Variants in ARHGAP10 observed in about 807,000 individuals in gnomAD.
ARHGAP10 encodes the protein rho GTPase-activating protein 10.
Under a neutral mutation model 108.6 loss-of-function variants are expected in ARHGAP10, and 87 were observed. The ratio of observed to expected loss-of-function variants is 0.80; its 90% CI spans 0.67 to 0.96. The LOEUF is 0.96. Among genes scored for constraint, ARHGAP10 ranks in the 40% least tolerant of loss-of-function variants. ARHGAP10 has a pLI of 0.00. For missense variants in ARHGAP10, 939 were observed against 954.5 expected (o/e 0.98, Z 0.21); for synonymous variants, 347 against 341.1 (o/e 1.02, Z -0.19).
chr4:147,998,203 A>G (rs1200673281), intron 18 of ARHGAP10, among the ~76,000 whole-genome samples: 1 of 152,210 alleles, frequency 6.6e-6, no homozygotes, highest in Non-Finnish European at 1.5e-5. Flanking sequence ...GAAGGATAAA[A>G]GAGATAAACT....
At chr4:147,930,644 G>A (rs60770463) in intron 13 of ARHGAP10, among the ~76,000 whole-genome samples, 6,802 of 152,042 alleles carry the variant, frequency 0.045, 490 homozygotes, top group African/African-American at 0.15. Context: ...GTAATTTCTA[G>A]CCTATCTTCT....
chr4:147,904,888 C>T (rs1423008883), intron 10 of ARHGAP10, among the ~76,000 whole-genome samples: 1 of 152,132 alleles, frequency 6.6e-6, no homozygotes, highest in East Asian at 1.9e-4. Flanking sequence ...TCCTCTCCAG[C>T]ATCTGTTGTT....
chr4:147,787,784 G>A (rs939635445), intron 1 of ARHGAP10, among the ~76,000 whole-genome samples: 1 of 152,098 alleles, frequency 6.6e-6, no homozygotes, highest in Non-Finnish European at 1.5e-5. Flanking sequence ...CACAGCCTAT[G>A]GAGTAGTAAC....
intron 20 of ARHGAP10, among the ~76,000 whole-genome samples, chr4:148,053,893 AATTTG>A (rs1324484623): frequency 1.2e-4 from 18 of 152,076 alleles, no homozygotes; most frequent in South Asian, 4.1e-4. Flanking sequence ...CAGGTGCTGA[AATTTG>A]GAGGTTTTAT....
At chr4:148,028,302 C>T (rs943597356) in intron 19 of ARHGAP10, among the ~76,000 whole-genome samples, 6 of 151,930 alleles carry the variant, frequency 3.9e-5, no homozygotes, top group Admixed American at 1.3e-4. Flanking sequence ...GAATGATGGG[C>T]GGAACTGATG....
intron 3 of ARHGAP10, among the ~76,000 whole-genome samples, chr4:147,844,029 T>C (rs1321145508): frequency 6.6e-6 from 1 of 152,184 alleles, no homozygotes; most frequent in Non-Finnish European, 1.5e-5. Flanking sequence ...TCTTCTAGGC[T>C]GTGGACCTGT....
chr4:148,039,273 A>G (rs1009018476), intron 19 of ARHGAP10, among the ~76,000 whole-genome samples: 2 of 151,386 alleles, frequency 1.3e-5, no homozygotes, highest in African/African-American at 4.9e-5. Context: ...TATATCTGGT[A>G]ATAGTTTTAT....
chr4:147,895,685 CAA>C (rs111297537), intron 10 of ARHGAP10, among the ~76,000 whole-genome samples: 38 of 128,726 alleles, frequency 3.0e-4, no homozygotes, highest in Non-Finnish European at 3.0e-4. Context: ...GACCCTGTCT[CAA>C]AAAAAAAAAA....
At chr4:147,914,555 C>T (rs1736882008) in intron 13 of ARHGAP10, among the ~76,000 whole-genome samples, 1 of 81,456 alleles carries the variant, frequency 1.2e-5, no homozygotes, top group Middle Eastern at 5.2e-3. Flanking sequence ...ATGTTCTGCG[C>T]TCCCCCCCCC....
intron 1 of ARHGAP10, among the ~76,000 whole-genome samples, chr4:147,773,113 T>C (rs575800077): frequency 1.3e-5 from 2 of 152,348 alleles, no homozygotes; most frequent in Admixed American, 6.5e-5. Context: ...AGGGACACTT[T>C]ATATTAAGAA....
intron 18 of ARHGAP10, among the ~76,000 whole-genome samples, chr4:148,002,356 A>G (rs1489306317): frequency 1.3e-5 from 2 of 152,194 alleles, no homozygotes; most frequent in South Asian, 2.1e-4. Flanking sequence ...TTCATCAGGG[A>G]TATTGGTCTA....
chr4:147,997,861 A>G (rs566820080), intron 18 of ARHGAP10, among the ~76,000 whole-genome samples: 14 of 152,350 alleles, frequency 9.2e-5, no homozygotes, highest in South Asian at 8.3e-4. Flanking sequence ...ACCAACAGTA[A>G]TAATAGGAGC....
intron 1 of ARHGAP10, among the ~76,000 whole-genome samples, chr4:147,794,513 C>CA (rs1731238026): frequency 6.6e-6 from 1 of 152,102 alleles, no homozygotes; most frequent in Non-Finnish European, 1.5e-5. Context: ...GCATCCAGAG[C>CA]AAAACAGAAC....
intron 10 of ARHGAP10, among the ~76,000 whole-genome samples, chr4:147,889,811 C>T (rs887206215): frequency 7.9e-5 from 12 of 151,918 alleles, no homozygotes; most frequent in Admixed American, 7.2e-4. Context: ...AGATATAAAT[C>T]AAGAGCTTTT....
chr4:147,934,467 A>G (rs1019358773), intron 13 of ARHGAP10, among the ~76,000 whole-genome samples: 1 of 152,204 alleles, frequency 6.6e-6, no homozygotes, highest in African/African-American at 2.4e-5. Flanking sequence ...CTGTGCCACC[A>G]TCTTGGTGAT....
intron 1 of ARHGAP10, among the ~76,000 whole-genome samples, chr4:147,777,413 C>T (rs1398286127): frequency 1.3e-5 from 2 of 152,074 alleles, no homozygotes; most frequent in African/African-American, 4.8e-5. Context: ...CACCCGCCAC[C>T]ATGCCTGGCT....
intron 8 of ARHGAP10, among the ~76,000 whole-genome samples, 155 bp from the exon 9 acceptor site, chr4:147,879,074 CTCT>C (rs1362776134): frequency 3.3e-5 from 5 of 152,262 alleles, no homozygotes; most frequent in South Asian, 2.1e-4. Context: ...CCGGCCTCCC[CTCT>C]TCTTCTTAGA....
intron 8 of ARHGAP10, 87 bp from the exon 9 acceptor site, chr4:147,879,145 G>A: frequency 9.6e-7 from 1 of 1,045,892 alleles, no homozygotes; most frequent in East Asian, 2.4e-5. Context: ...CTGCGTTTTA[G>A]ACATTTCCTC....
At chr4:147,771,887 G>A (rs902084746) in intron 1 of ARHGAP10, among the ~76,000 whole-genome samples, 1 of 152,132 alleles carries the variant, frequency 6.6e-6, no homozygotes, top group African/African-American at 2.4e-5. Flanking sequence ...CACCTCCCAG[G>A]TTCTAGCGAT....
Sources: allele counts gnomAD v4.1 joint callset (sites outside exome capture counted in the v4.1 genomes callset), GRCh38; gene constraint gnomAD v4.1.1; transcripts MANE v1.5; gene names NCBI Gene and HGNC (gene_info 2026-07-23, HGNC 2026-07-21).